The following CSMD1 variants were observed in gnomAD, a reference collection of about 807,000 sequenced individuals.
The protein encoded by CSMD1 is CUB and sushi domain-containing protein 1.
A neutral mutation model predicts 417.5 loss-of-function variants in CSMD1; 213 were observed. That is an observed-to-expected ratio of 0.51 (90% CI 0.46 to 0.57). The LOEUF is 0.57. Ranked by LOEUF, CSMD1 falls within the 20% of genes least tolerant of loss-of-function variation. The probability of loss-of-function intolerance (pLI) is 0.00; values close to 1 mark genes in which losing one functional copy is unlikely to be tolerated. For synonymous variants in CSMD1, 2,862 were observed against 1,736.8 expected, an observed-to-expected ratio of 1.65 and a Z score of -16.11; for missense variants, 6,923 against 4,529.7, an observed-to-expected ratio of 1.53 and a Z score of -15.17.
intron 1 of CSMD1, among the ~76,000 whole-genome samples, chr8:4,802,055 T>C (rs566605794): frequency 6.6e-6 from 1 of 152,350 alleles, no homozygotes; most frequent in South Asian, 2.1e-4. Context: ...TGGACGTAGC[T>C]ATATAGCCTA....
intron 3 of CSMD1, among the ~76,000 whole-genome samples, chr8:4,379,505 A>T (rs1351937111): frequency 6.6e-6 from 1 of 152,198 alleles, no homozygotes; most frequent in African/African-American, 2.4e-5. Context: ...TAATGTTAGC[A>T]CTGGAAGGCA....
chr8:4,771,272 C>T (rs754835516), intron 1 of CSMD1, among the ~76,000 whole-genome samples: 11 of 152,186 alleles, frequency 7.2e-5, no homozygotes, highest in Non-Finnish European at 1.5e-4. Flanking sequence ...TTCCAAGTTT[C>T]TAATACCAAT....
chr8:4,171,557 G>C (rs888208381), intron 3 of CSMD1, among the ~76,000 whole-genome samples: 2 of 151,572 alleles, frequency 1.3e-5, no homozygotes, highest in African/African-American at 4.9e-5. Flanking sequence ...ATAACTACTG[G>C]ATATGGAGTG....
At chr8:4,191,122 C>A (rs955159438) in intron 3 of CSMD1, among the ~76,000 whole-genome samples, 4 of 152,088 alleles carry the variant, frequency 2.6e-5, no homozygotes, top group South Asian at 4.2e-4. Context: ...CAAGGCCAGG[C>A]GAGGTAGCTC....
chr8:4,091,178 CA>C (rs1800701456), intron 3 of CSMD1, among the ~76,000 whole-genome samples: 2 of 152,058 alleles, frequency 1.3e-5, no homozygotes, highest in African/African-American at 4.8e-5. Flanking sequence ...CTCGGCCTCC[CA>C]AAGTGCTGGG....
chr8:3,094,402 G>T (rs986168703), intron 47 of CSMD1, among the ~76,000 whole-genome samples: 1 of 152,138 alleles, frequency 6.6e-6, no homozygotes, highest in Non-Finnish European at 1.5e-5. Flanking sequence ...ACTAAGCCTG[G>T]CCAGTTTTAG....
intron 21 of CSMD1, among the ~76,000 whole-genome samples, chr8:3,348,423 G>A (rs1019125814): frequency 5.3e-5 from 8 of 152,150 alleles, no homozygotes; most frequent in Middle Eastern, 3.4e-3. Flanking sequence ...CTATCATACA[G>A]AGAGTTCTAG....
intron 26 of CSMD1, among the ~76,000 whole-genome samples, chr8:3,263,582 C>G (rs1048750510): frequency 6.6e-6 from 1 of 152,038 alleles, no homozygotes; most frequent in Non-Finnish European, 1.5e-5. Flanking sequence ...AAATTTCTTA[C>G]AAATAAATGT....
At chr8:4,968,352 C>T (rs1018183412) in intron 1 of CSMD1, among the ~76,000 whole-genome samples, 2 of 151,890 alleles carry the variant, frequency 1.3e-5, no homozygotes, top group Non-Finnish European at 2.9e-5. Context: ...CACCACTATC[C>T]ACGTCCAAAA....
At chr8:4,750,290 A>G (rs1676947) in intron 1 of CSMD1, among the ~76,000 whole-genome samples, 121,461 of 152,098 alleles carry the variant, frequency 0.8, 48,692 homozygotes, top group African/African-American at 0.85. Context: ...TACAGGGTGA[A>G]CCACCATGCC....
intron 26 of CSMD1, among the ~76,000 whole-genome samples, chr8:3,261,040 AAC>A (rs756302561): frequency 4.5e-4 from 68 of 152,362 alleles, no homozygotes; most frequent in Admixed American, 8.5e-4. Context: ...CTGTAGAGGA[AAC>A]ACAGGTGAGA....
chr8:3,626,797 A>C (rs1796512312), intron 7 of CSMD1, among the ~76,000 whole-genome samples: 1 of 150,134 alleles, frequency 6.7e-6, no homozygotes, highest in South Asian at 2.1e-4. Flanking sequence ...TTAAAACTTT[A>C]ATACTATGTA....
At chr8:4,498,714 C>T (rs1019576366) in intron 2 of CSMD1, among the ~76,000 whole-genome samples, 1 of 152,100 alleles carries the variant, frequency 6.6e-6, no homozygotes, top group Admixed American at 6.6e-5. Context: ...GTTAGCTAAG[C>T]CCTCTGAATG....
chr8:3,739,043 AGTTAT>A (rs1426994563), intron 6 of CSMD1, among the ~76,000 whole-genome samples: 1 of 152,162 alleles, frequency 6.6e-6, no homozygotes, highest in Non-Finnish European at 1.5e-5. Context: ...TCTGTTTTCT[AGTTAT>A]GTTCTTACAT....
chr8:4,650,870 G>C (rs1266880081), intron 1 of CSMD1, among the ~76,000 whole-genome samples: 2 of 152,184 alleles, frequency 1.3e-5, no homozygotes, highest in East Asian at 1.9e-4. Context: ...CCTAGATAAA[G>C]TATGTGAACA....
At chr8:3,479,382 G>C (rs1187875783) in intron 11 of CSMD1, among the ~76,000 whole-genome samples, 1 of 152,164 alleles carries the variant, frequency 6.6e-6, no homozygotes, top group African/African-American at 2.4e-5. Flanking sequence ...CTGGGTTCAA[G>C]TGATTCTCCT....
At position 3,223,664 on chromosome 8, in the gene CSMD1, GAAGT is replaced by G. The variant is rs2116871014; in HGVS notation, c.4484+61_4484+64del. The G allele has an allele frequency of 3.9e-6, 6 of 1,542,450 alleles. No individual in the cohort carries two copies. In the South Asian group the frequency reaches 6.8e-5, roughly 17 times the overall value. On this transcript the variant is annotated intron_variant, in intron 28 of 69. Coordinates refer to ENST00000635120, the MANE Select transcript of CSMD1 (RefSeq NM_033225.6). ...CATTAGAGACTATGAGGTCATAAAA[GAAGT>G]AATTTTTAGGTATGGAATTAAAAAT...
At chr8:4,490,303 G>C (rs1020912837) in intron 2 of CSMD1, among the ~76,000 whole-genome samples, 5 of 152,084 alleles carry the variant, frequency 3.3e-5, no homozygotes, top group Non-Finnish European at 7.4e-5. Flanking sequence ...GCCTCCCAAA[G>C]TGCTGGGATT....
chr8:4,316,686 G>T (rs1798955661), intron 3 of CSMD1, among the ~76,000 whole-genome samples: 1 of 152,058 alleles, frequency 6.6e-6, no homozygotes, highest in Middle Eastern at 3.4e-3. Context: ...AACTAAGGGG[G>T]GGGCTTCCTT....
Sources: allele counts gnomAD v4.1 joint callset (sites outside exome capture counted in the v4.1 genomes callset), GRCh38; gene constraint gnomAD v4.1.1; transcripts MANE v1.5; gene names NCBI Gene and HGNC (gene_info 2026-07-23, HGNC 2026-07-21).